Variants in MACROD2 observed in about 807,000 individuals in gnomAD.
MACROD2 encodes the protein mono-ADP ribosylhydrolase 2, also known as ADP-ribose glycohydrolase MACROD2.
Under a neutral mutation model 70.4 loss-of-function variants are expected in MACROD2, and 36 were observed. The ratio of observed to expected loss-of-function variants is 0.51; its 90% confidence interval spans 0.39 to 0.68. The LOEUF is 0.68. MACROD2 is among the 30% of genes least tolerant of loss of function. The pLI is 0.00. For synonymous variants in MACROD2, 172 were observed against 178.8 expected (o/e 0.96, Z 0.30); for missense variants, 496 against 538.4 (o/e 0.92, Z 0.78).
intron 2 of MACROD2, among the ~76,000 whole-genome samples, chr20:14,060,158 A>G (rs975095746): frequency 6.6e-6 from 1 of 152,204 alleles, no homozygotes; most frequent in Non-Finnish European, 1.5e-5. Flanking sequence ...TTACTTTCAT[A>G]TAACTCAGTC....
At chr20:14,490,440 T>C (rs2084781719) in intron 3 of MACROD2, among the ~76,000 whole-genome samples, 1 of 152,218 alleles carries the variant, frequency 6.6e-6, no homozygotes. Context: ...CATTATCTTG[T>C]AATGACTCAT....
At chr20:15,907,100 C>T (rs2065158795) in intron 10 of MACROD2, among the ~76,000 whole-genome samples, 1 of 152,212 alleles carries the variant, frequency 6.6e-6, no homozygotes, top group African/African-American at 2.4e-5. Flanking sequence ...CCATTCTATT[C>T]AATGGGTTGT....
At chr20:14,135,746 T>C (rs765924679) in intron 3 of MACROD2, among the ~76,000 whole-genome samples, 10 of 152,160 alleles carry the variant, frequency 6.6e-5, no homozygotes, top group Non-Finnish European at 1.5e-4. Context: ...CACTATTTGC[T>C]CATGATAAAA....
chr20:15,383,328 T>C (rs1197056590), intron 6 of MACROD2, among the ~76,000 whole-genome samples: 1 of 152,196 alleles, frequency 6.6e-6, no homozygotes, highest in African/African-American at 2.4e-5. Flanking sequence ...TTGAGTACTT[T>C]CAGTAAACCA....
At chr20:15,869,181 G>A (rs6135577) in intron 9 of MACROD2, among the ~76,000 whole-genome samples, 91,116 of 132,684 alleles carry the variant, frequency 0.69, 33,652 homozygotes, top group Non-Finnish European at 0.82. Flanking sequence ...TACACAATAC[G>A]CATGTCAACT....
At chr20:14,503,866 A>G (rs1407574157) in intron 4 of MACROD2, among the ~76,000 whole-genome samples, 1 of 152,236 alleles carries the variant, frequency 6.6e-6, no homozygotes, top group Non-Finnish European at 1.5e-5. Context: ...CATTTCTAGC[A>G]TGATTGGAAA....
chr20:15,331,894 A>G (rs143112822), intron 6 of MACROD2, among the ~76,000 whole-genome samples: 2 of 151,770 alleles, frequency 1.3e-5, no homozygotes, highest in Non-Finnish European at 2.9e-5. Flanking sequence ...TCTTCACTCT[A>G]TACATAATTT....
intron 6 of MACROD2, among the ~76,000 whole-genome samples, chr20:15,325,369 C>T (rs1323333778): frequency 6.6e-6 from 1 of 152,166 alleles, no homozygotes; most frequent in Non-Finnish European, 1.5e-5. Context: ...GCTTGAAACA[C>T]ATCTGTGTTT....
At chr20:15,458,699 T>C (rs929422357) in intron 7 of MACROD2, among the ~76,000 whole-genome samples, 2 of 151,904 alleles carry the variant, frequency 1.3e-5, no homozygotes, top group Middle Eastern at 3.4e-3. Context: ...TACCTGAGAT[T>C]GTCATTGGTG....
chr20:14,012,163 T>C (rs2052919409), intron 2 of MACROD2, among the ~76,000 whole-genome samples: 1 of 152,164 alleles, frequency 6.6e-6, no homozygotes, highest in Non-Finnish European at 1.5e-5. Context: ...CTCCTCTGCG[T>C]CCCAAAGTGC....
At chr20:14,582,804 A>G (rs529252103) in intron 4 of MACROD2, among the ~76,000 whole-genome samples, 2 of 152,308 alleles carry the variant, frequency 1.3e-5, no homozygotes, top group East Asian at 1.9e-4. Flanking sequence ...TGTTTGAAAC[A>G]TATATATGTG....
chr20:14,529,009 G>A (rs569171569), intron 4 of MACROD2, among the ~76,000 whole-genome samples: 1 of 152,234 alleles, frequency 6.6e-6, no homozygotes, highest in Admixed American at 6.5e-5. Flanking sequence ...TAGGTCCAGA[G>A]GTGGGTAAAC....
chr20:14,123,206 T>C (rs2054606577), intron 3 of MACROD2, among the ~76,000 whole-genome samples: 1 of 152,208 alleles, frequency 6.6e-6, no homozygotes, highest in African/African-American at 2.4e-5. Flanking sequence ...GTTACAAAAC[T>C]TTAAATTATT....
chr20:15,427,495 G>A (rs1312914883), intron 6 of MACROD2, among the ~76,000 whole-genome samples: 2 of 150,580 alleles, frequency 1.3e-5, no homozygotes, highest in Non-Finnish European at 2.9e-5. Flanking sequence ...CTAAGACAGA[G>A]TTTAGAATGC....
In MACROD2 at chr20:14,830,316, T is replaced by A. The variant is rs527735129; in HGVS notation, c.418+145357T>A. Among the ~76,000 whole-genome samples, 5 of 152,238 alleles carry A rather than the reference T, an allele frequency of 3.3e-5. No individual in the cohort carries two copies. The East Asian group carries it at 9.7e-4, about 29-fold the overall frequency. On this transcript the variant is annotated intron_variant, in intron 5 of 17. Transcript: ENST00000684519. ...TTACTGCTGCAATGGTTTTTAGAGT[T>A]GTTAAAAAATAATAATAATAGTGAT...
intron 5 of MACROD2, among the ~76,000 whole-genome samples, chr20:14,731,620 C>T (rs1244341277): frequency 3.3e-5 from 5 of 152,182 alleles, no homozygotes; most frequent in Admixed American, 3.3e-4. Context: ...TATTCTAAAG[C>T]ACTAGTATTT....
intron 12 of MACROD2, among the ~76,000 whole-genome samples, chr20:15,941,692 A>G (rs1245965892): frequency 2.0e-5 from 3 of 152,162 alleles, no homozygotes; most frequent in Non-Finnish European, 2.9e-5. Flanking sequence ...ACACTCTCCA[A>G]TTTAAGTGGC....
At chr20:14,289,542 T>C (rs1006507001) in intron 3 of MACROD2, among the ~76,000 whole-genome samples, 2 of 152,162 alleles carry the variant, frequency 1.3e-5, no homozygotes, top group Non-Finnish European at 2.9e-5. Flanking sequence ...AGTCTGTTTG[T>C]TTGTTTTTGT....
chr20:15,923,768 A>C (rs559342236), intron 10 of MACROD2, among the ~76,000 whole-genome samples: 131 of 152,342 alleles, frequency 8.6e-4, no homozygotes, highest in African/African-American at 3.1e-3. Context: ...AATTCCACAC[A>C]AACAAAACAT....
Sources: gnomAD v4.1 joint callset for allele counts (sites outside exome capture counted in the v4.1 genomes callset) on GRCh38, gnomAD v4.1.1 for gene constraint, MANE v1.5 for transcripts, NCBI Gene and HGNC (gene_info 2026-07-23, HGNC 2026-07-21) for gene names.